TTC39A: variants seen among roughly 807,000 people sequenced by gnomAD.
TTC39A encodes tetratricopeptide repeat domain 39A, also known as tetratricopeptide repeat protein 39A.
In TTC39A, 46 loss-of-function variants were observed where a neutral mutation model predicts 82.3. The ratio of observed to expected loss-of-function variants is 0.56; its 90% CI spans 0.44 to 0.71. The LOEUF (loss-of-function observed/expected upper bound fraction) is 0.71. TTC39A is among the 30% of genes least tolerant of loss of function. The probability of loss-of-function intolerance (pLI) is 0.00; values close to 1 mark genes in which losing one functional copy is unlikely to be tolerated. For synonymous variants in TTC39A, 254 were observed against 275.2 expected (o/e 0.92, Z 0.76); for missense variants, 543 against 712.9 (o/e 0.76, Z 2.71).
At chr1:51,322,334 A>C in intron 1 of TTC39A, 1 of 1,347,374 alleles carries the variant, frequency 7.4e-7, no homozygotes, top group Non-Finnish European at 9.6e-7. Flanking sequence ...CGAGAGGCCC[A>C]GGGCCTTTCA....
chr1:51,339,854 G>A (rs1427958508), intron 1 of TTC39A, among the ~76,000 whole-genome samples: 1 of 152,202 alleles, frequency 6.6e-6, no homozygotes, highest in South Asian at 2.1e-4. Context: ...CCCATGGCAT[G>A]GGGTGATTGC....
rs562824280 is a variant in TTC39A at position 51,313,827 on chromosome 1, T to G, written c.147-884A>C. On this transcript the variant is annotated intron_variant, in intron 2 of 17. Coordinates refer to ENST00000680483, the MANE Select transcript of TTC39A (RefSeq NM_001297663.2). ...CAGCCTGAGAAACATAGTGAGACAC[T>G]GTCTCTAAAAAGTAATAATAATTTT... is the stretch of plus-strand genomic sequence containing the variant. Among the ~76,000 whole-genome samples the G allele has an allele frequency of 1.8e-4, 27 of 152,324 alleles. No homozygotes were observed. The South Asian group carries it at 5.2e-3, about 29-fold the overall frequency.
At chr1:51,322,087 G>A (rs1432060950) in intron 1 of TTC39A, 1 of 1,550,380 alleles carries the variant, frequency 6.5e-7, no homozygotes, top group East Asian at 2.4e-5. Context: ...AGGGCAAGGT[G>A]CAAAGAGGCC....
upstream of TTC39A, chr1:51,330,677 A>T: frequency 1.0e-6 from 1 of 955,200 alleles, no homozygotes; most frequent in Admixed American, 5.8e-5. This position sits in a 1 kb window ranked among gnomAD's most constrained non-coding sequence, Gnocchi z 4.5. Flanking sequence ...GCCCGCGGCG[A>T]CCCGCGCTCC....
chr1:51,316,732 C>T (rs992350293), intron 2 of TTC39A, among the ~76,000 whole-genome samples: 2 of 152,228 alleles, frequency 1.3e-5, no homozygotes, highest in African/African-American at 4.8e-5. Context: ...CAGAAAACTA[C>T]AGAACACTCA....
chr1:51,330,378 C>CCTGCCCGGGCCCCAGCCCGCG lies in TTC39A; in HGVS notation c.41+38_41+58dup. The CCTGCCCGGGCCCCAGCCCGCG allele has an allele frequency of 2.1e-6, 2 of 958,238 alleles. No homozygotes were observed. The highest frequency in any genetic ancestry group is 2.5e-6 in the Non-Finnish European group (2 of 808,120). 59.4% of individuals were successfully genotyped at this position (958,238 alleles called of 1,614,324 possible). ...GGGAGGCCTGGCGCGGCGCCCGCCA[C>CCTGCCCGGGCCCCAGCCCGCG]CTGCCCGGGCCCCAGCCCGCGCCGC... On this transcript the variant is annotated intron_variant, in intron 1 of 17. Coordinates refer to ENST00000680483, the MANE Select transcript of TTC39A (RefSeq NM_001297663.2). The surrounding 1 kb of genome is among the most constrained non-coding windows in gnomAD (Gnocchi z 4.5).
In TTC39A at chr1:51,321,589, G is replaced by T; in HGVS notation, c.146+132C>A. ...GAATGGAGCTTGAGCCATTTTTATG[G>T]GACTTCTCAGAGGTCCTGGTGACCC... On this transcript the variant is annotated intron_variant, in intron 2 of 17. Coordinates refer to ENST00000680483, the MANE Select transcript of TTC39A (RefSeq NM_001297663.2). The surrounding 1 kb of genome is among the most constrained non-coding windows in gnomAD (Gnocchi z 4.6). 3 of 763,672 alleles carry T rather than the reference G, an allele frequency of 3.9e-6. No individual in the cohort carries two copies. The highest frequency in any genetic ancestry group is 2.4e-4 in the Middle Eastern group (1 of 4,228). 47.3% of individuals were successfully genotyped at this position (763,672 alleles called of 1,614,324 possible).
At position 51,302,587 on chromosome 1, in the gene TTC39A, TG is replaced by T; in HGVS notation, c.764-15del. On this transcript the variant is annotated splice_polypyrimidine_tract_variant and intron_variant, in intron 9 of 17. Coordinates refer to ENST00000680483, the MANE Select transcript of TTC39A (RefSeq NM_001297663.2). ...CGTTCCCAGTACCTGGAGGAGATGGTGGGGGAGACACAGAACATGTCACCAC... is the reference window on the plus strand; with the variant it reads ...CGTTCCCAGTACCTGGAGGAGATGGTGGGGAGACACAGAACATGTCACCAC... 1 of 1,592,472 alleles carries T rather than the reference TG, an allele frequency of 6.3e-7. No homozygotes were observed. Among genetic ancestry groups the T allele is most frequent in the Non-Finnish European group, 8.6e-7 (1 of 1,169,524 alleles).
chr1:51,331,154 CTAA>C (rs1234869724), upstream of TTC39A: 1 of 1,522,504 alleles, frequency 6.6e-7, no homozygotes, highest in Non-Finnish European at 8.9e-7. Flanking sequence ...GGTCACTCAC[CTAA>C]TAAGTGGCAA....
chr1:51,335,563 C>CA (rs1178529051), upstream of TTC39A, among the ~76,000 whole-genome samples: 9,046 of 68,052 alleles, frequency 0.13, 748 homozygotes, highest in African/African-American at 0.25. Context: ...TCTTGTCTCA[C>CA]AAAAAAAAAA....
intron 8 of TTC39A, among the ~76,000 whole-genome samples, chr1:51,304,854 C>T (rs1264777561): frequency 6.6e-6 from 1 of 152,222 alleles, no homozygotes; most frequent in Non-Finnish European, 1.5e-5. Context: ...CCCACACCCA[C>T]CCAGAGCCTC....
intron 8 of TTC39A, among the ~76,000 whole-genome samples, chr1:51,304,877 G>T (rs983785598): frequency 6.6e-6 from 1 of 152,208 alleles, no homozygotes; most frequent in Non-Finnish European, 1.5e-5. Context: ...CACCCTGGGA[G>T]GGCCAGGCAG....
intron 12 of TTC39A, chr1:51,299,637 C>A (rs1242380266): frequency 6.6e-6 from 1 of 152,304 alleles, no homozygotes; most frequent in South Asian, 2.1e-4. Flanking sequence ...CACCCCAAAG[C>A]CACACAGCGG....
chr1:51,329,237 A>T (rs563048972), intron 1 of TTC39A, among the ~76,000 whole-genome samples: 3 of 152,246 alleles, frequency 2.0e-5, no homozygotes, highest in Admixed American at 1.3e-4. Flanking sequence ...TCTCCTGGAA[A>T]CCACTTTTCT....
Position 51,321,754 on chromosome 1 carries a change from T to C in TTC39A, c.113A>G (p.Gln38Arg). The change falls in exon 2 of 18, where the codon CAG becomes CGG. Residue 38 changes from glutamine (Q) to arginine (R), a missense_variant. Gln to Arg is a conservative substitution (Grantham distance 43). Transcript: ENST00000680483. This position sits in a 1 kb window ranked among gnomAD's most constrained non-coding sequence, Gnocchi z 4.6. ...GAGGTAGCTGAGTGCTTCTGAGAAC[T>C]GGTTGGTGAGGAAGAGGTCCAGGGC... ...MTALDLFLTN[Q>R]FSEALSYLKP... The C allele has an allele frequency of 6.2e-7, 1 of 1,613,968 alleles. No individual in the cohort carries two copies. Among genetic ancestry groups the C allele is most frequent in the Non-Finnish European group, 8.5e-7 (1 of 1,179,872 alleles).
Position 51,302,546 on chromosome 1 carries a change from G to A in TTC39A, c.791C>T (p.Ala264Val), listed in dbSNP as rs372188737. ...CAGGTAGGGCTTCAAGAGCTTCTCG[G>A]CCTCCTCGATGTTGACGTTCCCAGT... ...LGTGNVNIEE[A>V]EKLLKPYLNR... Residue 264 changes from alanine (A) to valine (V), a missense_variant, in exon 10 of 18, where the codon GCC (alanine) becomes GTC (valine). Physicochemically the swap from Ala to Val is moderately conservative, Grantham distance 64. Coordinates refer to ENST00000680483, the MANE Select transcript of TTC39A (RefSeq NM_001297663.2). The A allele has an allele frequency of 9.3e-6, 15 of 1,607,520 alleles. No homozygotes were observed. Among genetic ancestry groups the A allele is most frequent in the African/African-American group, 2.7e-5 (2 of 74,770 alleles).
intron 8 of TTC39A, 123 bp downstream of exon 8, chr1:51,304,958 A>G (rs1644814910): frequency 9.8e-7 from 1 of 1,020,152 alleles, no homozygotes; most frequent in South Asian, 1.3e-5. Flanking sequence ...CCAGGGCCAT[A>G]CAATGAGAGG....
chr1:51,324,812 C>T (rs140774216), intron 1 of TTC39A, among the ~76,000 whole-genome samples: 5,434 of 151,998 alleles, frequency 0.036, 137 homozygotes, highest in Non-Finnish European at 0.053. Flanking sequence ...GGATCACAGG[C>T]GTGAGCCACT....
chr1:51,296,272 C>T, intron 12 of TTC39A, 102 bp from the exon 13 acceptor site: 1 of 1,103,014 alleles, frequency 9.1e-7, no homozygotes, highest in Non-Finnish European at 1.3e-6. Context: ...ACAGGAGCTC[C>T]CGTTGTCTCC....
Sources: allele counts gnomAD v4.1 joint callset (sites outside exome capture counted in the v4.1 genomes callset), GRCh38; gene constraint gnomAD v4.1.1; non-coding constraint Gnocchi (gnomAD v3.1); transcripts MANE v1.5; gene names NCBI Gene and HGNC (gene_info 2026-07-23, HGNC 2026-07-21).